The following TDRD7 variants were observed in gnomAD, a reference collection of about 807,000 sequenced individuals.
The protein encoded by TDRD7 is tudor domain containing 7, also known as tudor domain-containing protein 7.
A neutral mutation model predicts 109.8 loss-of-function variants in TDRD7; 47 were observed. The ratio of observed to expected loss-of-function variants is 0.43; its 90% CI spans 0.34 to 0.55. The LOEUF (loss-of-function observed/expected upper bound fraction) is 0.55, where lower values mean the gene tolerates loss of function less well. Ranked by LOEUF, TDRD7 falls within the 20% of genes least tolerant of loss-of-function variation. TDRD7 has a pLI of 0.03. For missense variants in TDRD7, 1,164 were observed against 1,319.2 expected (o/e 0.88, Z 1.82); for synonymous variants, 424 against 457.3 (o/e 0.93, Z 0.93).
chr9:97,490,704 C>T (rs1406890170), intron 16 of TDRD7, among the ~76,000 whole-genome samples: 2 of 151,162 alleles, frequency 1.3e-5, no homozygotes, highest in Non-Finnish European at 2.9e-5. Flanking sequence ...GCATTTGTTA[C>T]ACCTTTGATA....
intron 6 of TDRD7, among the ~76,000 whole-genome samples, chr9:97,442,419 A>T (rs1358869698): frequency 2.0e-5 from 3 of 152,194 alleles, no homozygotes; most frequent in African/African-American, 4.8e-5. Context: ...AAAAAAATTT[A>T]AAAATGATTT....
At chr9:97,474,537 C>G (rs1828979147) in intron 11 of TDRD7, among the ~76,000 whole-genome samples, 1 of 152,072 alleles carries the variant, frequency 6.6e-6, no homozygotes, top group Admixed American at 6.6e-5. Flanking sequence ...AATAGGTATG[C>G]CAAAATATGT....
chr9:97,466,364 A>T (rs1828822047), intron 8 of TDRD7, among the ~76,000 whole-genome samples: 1 of 152,246 alleles, frequency 6.6e-6, no homozygotes, highest in South Asian at 2.1e-4. Context: ...CCCCAGCTGA[A>T]TCTACAGAGG....
chr9:97,483,988 C>T lies in TDRD7; in HGVS notation c.2915+637C>T, dbSNP rs546389153. On this transcript the variant is annotated intron_variant, in intron 15 of 16. Transcript: ENST00000355295. ...ATTCTATTTTGTTATGTAAGGTTTTCTCTCCTGTATTTTTCACTATTATAA... is the reference window on the plus strand; with the variant it reads ...ATTCTATTTTGTTATGTAAGGTTTTTTCTCCTGTATTTTTCACTATTATAA... Among the ~76,000 whole-genome samples the T allele has an allele frequency of 3.3e-5, 5 of 152,154 alleles. No individual in the cohort carries two copies. In the East Asian group the frequency reaches 5.8e-4, roughly 18 times the overall value.
Position 97,483,289 on chromosome 9 carries a change from G to A in TDRD7, c.2853G>A (p.Val951=), listed in dbSNP as rs1829154675. ...LMEEMILYYS[V]SEERHIAVEK... ...AAGAGATGATTCTATATTACAGCGT[G>A]TCTGAAGAGCGCCACATAGCAGTGG... is the stretch of plus-strand genomic sequence containing the variant. Residue 951 remains valine, a synonymous_variant, in exon 15 of 17, where the codon GTG becomes GTA. Transcript: ENST00000355295. The A allele has an allele frequency of 6.2e-7, 1 of 1,614,038 alleles. No homozygotes were observed.
Position 97,460,484 on chromosome 9 carries a change from T to G in TDRD7, c.1162T>G (p.Cys388Gly). The part of the protein sequence containing the change: ...LKNLASLSDV[C>G]SIDYISGNPQ... ...AAATCTTGCCTCACTTTCTGATGTA[T>G]GCAGCATAGACTACATTTCTGGAAA... The change falls in exon 7 of 17, where the codon TGC (cysteine) becomes GGC (glycine). Residue 388 changes from cysteine to glycine, a missense_variant. By Grantham distance (159) the Cys-to-Gly change is radical. Coordinates refer to ENST00000355295, the MANE Select transcript of TDRD7 (RefSeq NM_014290.3). 1 of 1,614,240 alleles carries G rather than the reference T, an allele frequency of 6.2e-7. No homozygotes were observed. The highest frequency in any genetic ancestry group is 8.5e-7 in the Non-Finnish European group (1 of 1,180,046).
intron 9 of TDRD7, among the ~76,000 whole-genome samples, chr9:97,471,939 T>A (rs1290638730): frequency 6.6e-6 from 1 of 152,222 alleles, no homozygotes; most frequent in African/African-American, 2.4e-5. Flanking sequence ...AACATATGAC[T>A]GGAAGACATA....
At chr9:97,453,917 A>C (rs548109908) in intron 6 of TDRD7, among the ~76,000 whole-genome samples, 1 of 152,346 alleles carries the variant, frequency 6.6e-6, no homozygotes, top group South Asian at 2.1e-4. Flanking sequence ...TTAGACACCT[A>C]CAAAGAGACT....
intron 6 of TDRD7, among the ~76,000 whole-genome samples, chr9:97,450,711 A>C (rs1828475733): frequency 6.6e-6 from 1 of 152,192 alleles, no homozygotes; most frequent in Non-Finnish European, 1.5e-5. Context: ...TATTTGCCAG[A>C]AAATTAAAAA....
In TDRD7 at chr9:97,426,620, A is replaced by G. The variant is rs144302279; in HGVS notation, c.-6-1840A>G. Among the ~76,000 whole-genome samples, 42 of 152,330 alleles carry G rather than the reference A, an allele frequency of 2.8e-4. 2 individuals are homozygous for G. The highest frequency in any genetic ancestry group is 9.1e-4 in the African/African-American group (38 of 41,582). On this transcript the variant is annotated intron_variant, in intron 1 of 16. Transcript: ENST00000355295. ...AACACACACATTAGCCTTGGCCTAT[A>G]CAAGGCCAGGATTATCAAGATATTA...
intron 1 of TDRD7, among the ~76,000 whole-genome samples, chr9:97,419,651 T>C (rs1376873741): frequency 6.6e-6 from 1 of 152,190 alleles, no homozygotes; most frequent in Non-Finnish European, 1.5e-5. Flanking sequence ...TTCTATTGAG[T>C]ATCTCCAGCT....
chr9:97,482,110 C>T (rs934589725), intron 14 of TDRD7, among the ~76,000 whole-genome samples: 1 of 152,106 alleles, frequency 6.6e-6, no homozygotes, highest in Non-Finnish European at 1.5e-5. Flanking sequence ...AGTACAGTCC[C>T]AATTATTAAT....
intron 1 of TDRD7, among the ~76,000 whole-genome samples, chr9:97,415,455 A>G (rs755746833): frequency 2.0e-5 from 3 of 152,212 alleles, no homozygotes; most frequent in Non-Finnish European, 4.4e-5. Flanking sequence ...TTTCAGGTAT[A>G]GTAAAGAGAA....
intron 7 of TDRD7, among the ~76,000 whole-genome samples, chr9:97,463,380 GTT>G (rs1179946909): frequency 1.6e-5 from 2 of 125,694 alleles, no homozygotes; most frequent in African/African-American, 5.8e-5. Flanking sequence ...TCTGAGTTTT[GTT>G]TTTTTTTTTT....
In TDRD7 at chr9:97,473,593, T is replaced by C. The variant is rs780945414; in HGVS notation, c.2046T>C (p.Leu682=). The change falls in exon 11 of 17, where the codon CTT becomes CTC. Residue 682 remains leucine (L), a synonymous_variant. Coordinates refer to ENST00000355295, the MANE Select transcript of TDRD7 (RefSeq NM_014290.3). ...PCKGLNKLSD[L]LRKIEDYFHC... ...AGGGTCTGAACAAGCTCAGTGACCT[T>C]CTACGTAAGATAGAGGACTACTTCC... 1.1e-5 allele frequency: 18 copies of C among 1,613,704 alleles called. No individual in the cohort carries two copies. Among genetic ancestry groups the C allele is most frequent in the Non-Finnish European group, 1.4e-5 (16 of 1,179,796 alleles).
At chr9:97,479,066 T>C (rs967849481) in intron 13 of TDRD7, among the ~76,000 whole-genome samples, 2 of 152,216 alleles carry the variant, frequency 1.3e-5, no homozygotes, top group Non-Finnish European at 2.9e-5. Context: ...TTTTGAATAT[T>C]TTGAATTGTT....
chr9:97,479,602 G>C (rs1241770128), intron 13 of TDRD7, among the ~76,000 whole-genome samples: 1 of 152,040 alleles, frequency 6.6e-6, no homozygotes. Flanking sequence ...CAAATGGGAA[G>C]ACTGTTGGTT....
chr9:97,471,147 C>A (rs1011051810), intron 9 of TDRD7, among the ~76,000 whole-genome samples: 1 of 152,116 alleles, frequency 6.6e-6, no homozygotes, highest in African/African-American at 2.4e-5. Flanking sequence ...TATCATTGTT[C>A]TTTTCCTTCC....
In TDRD7 at chr9:97,454,486, AAGAG is replaced by A. The variant is rs111271424; in HGVS notation, c.856-5688_856-5685del. 8.1e-3 allele frequency among the ~76,000 whole-genome samples: 1,233 copies of A among 152,222 alleles called. 39 individuals carry two copies. In the East Asian group the frequency reaches 0.11, roughly 13 times the overall value. On this transcript the variant is annotated intron_variant, in intron 6 of 16. Coordinates refer to ENST00000355295, the MANE Select transcript of TDRD7 (RefSeq NM_014290.3). Reference sequence around the variant, plus strand: ...ACAGAGCAAGACTCCGTCACAATAAAAGAGAGAACGCAGTGCAGTTAGATTAGAA... The same window carrying A: ...ACAGAGCAAGACTCCGTCACAATAAAAGAACGCAGTGCAGTTAGATTAGAA...
Sources: allele counts gnomAD v4.1 joint callset (sites outside exome capture counted in the v4.1 genomes callset), GRCh38; gene constraint gnomAD v4.1.1; transcripts MANE v1.5; gene names NCBI Gene and HGNC (gene_info 2026-07-23, HGNC 2026-07-21).